The following ESR1 variants were observed in gnomAD, a reference collection of about 807,000 sequenced individuals.
ESR1 encodes estrogen receptor 1, also known as estrogen receptor.
In ESR1, 12 loss-of-function variants were observed where a neutral mutation model predicts 52.7. The ratio of observed to expected loss-of-function variants is 0.23; its 90% CI spans 0.15 to 0.37. ESR1 has a LOEUF of 0.37. Ranked by LOEUF, ESR1 falls within the 10% of genes least tolerant of loss-of-function variation. The pLI is 1.00. For missense variants in ESR1, 584 were observed against 779.7 expected (o/e 0.75, Z 2.99); for synonymous variants, 305 against 316.8 (o/e 0.96, Z 0.39).
chr6:152,079,445 A>G (rs1414768551), intron 6 of ESR1, among the ~76,000 whole-genome samples: 1 of 152,228 alleles, frequency 6.6e-6, no homozygotes, highest in African/African-American at 2.4e-5. Context: ...TAGCATCAAC[A>G]TCAACAAAAA....
intron 5 of ESR1, among the ~76,000 whole-genome samples, chr6:152,024,190 G>A (rs1033330985): frequency 2.6e-5 from 4 of 152,030 alleles, no homozygotes; most frequent in Non-Finnish European, 5.9e-5. Flanking sequence ...AAATTTCTCT[G>A]TAGTCTTGTC....
intron 2 of ESR1, among the ~76,000 whole-genome samples, chr6:151,868,408 G>T (rs762399187): frequency 6.6e-6 from 1 of 152,134 alleles, no homozygotes; most frequent in African/African-American, 2.4e-5. Flanking sequence ...GATTACAGGC[G>T]TCAGCCACTG....
intron 4 of ESR1, among the ~76,000 whole-genome samples, chr6:151,953,799 T>A (rs2036596988): frequency 1.3e-5 from 2 of 152,260 alleles, no homozygotes; most frequent in South Asian, 4.1e-4. Context: ...ATTTCCTATA[T>A]AACTCCCTCT....
chr6:152,034,911 C>T lies in ESR1; in HGVS notation c.1235+23117C>T, dbSNP rs139743767. Among the ~76,000 whole-genome samples, 119 of 152,312 alleles carry T rather than the reference C, an allele frequency of 7.8e-4. 1 individual carries two copies. In the East Asian group the frequency reaches 0.017, roughly 21 times the overall value. On this transcript the variant is annotated intron_variant, in intron 5 of 7. Transcript: ENST00000206249. Reference sequence around the variant, plus strand: ...TCAAAAGGATTCTTCTTCTTTGCTGCAATGTGTTTTGATTTTTGGAGTGAT... The same window carrying T: ...TCAAAAGGATTCTTCTTCTTTGCTGTAATGTGTTTTGATTTTTGGAGTGAT...
intron 2 of ESR1, among the ~76,000 whole-genome samples, chr6:151,756,929 G>A (rs1784333955): frequency 6.6e-6 from 1 of 152,192 alleles, no homozygotes; most frequent in African/African-American, 2.4e-5. Flanking sequence ...GGCGAAGGTT[G>A]CAGTGAGCCG....
At chr6:151,805,562 C>T (rs1777712988), upstream of ESR1, 1 of 152,762 alleles carries the variant, frequency 6.5e-6, no homozygotes, top group Non-Finnish European at 1.5e-5. Context: ...CCCTCACTCC[C>T]CACTGCCATT....
chr6:151,996,146 G>A (rs1427397778), intron 4 of ESR1, among the ~76,000 whole-genome samples: 1 of 152,098 alleles, frequency 6.6e-6, no homozygotes, highest in Non-Finnish European at 1.5e-5. Context: ...TTCCCTGATA[G>A]TCTGTATGGG....
At chr6:151,848,490 AT>A (rs201813232) in intron 2 of ESR1, among the ~76,000 whole-genome samples, 2,053 of 128,114 alleles carry the variant, frequency 0.016, 18 homozygotes, top group Non-Finnish European at 0.02. Flanking sequence ...AAAAAAAAAA[AT>A]TTAAAAAAAA....
chr6:151,770,457 G>A (rs1336285009), intron 2 of ESR1, among the ~76,000 whole-genome samples: 2 of 151,810 alleles, frequency 1.3e-5, no homozygotes, highest in South Asian at 2.1e-4. Flanking sequence ...TAATTCCAAC[G>A]ATTTCATAAC....
chr6:152,128,764 C>T (rs919999764), exon 7 of ESR1: 1 of 152,174 alleles, frequency 6.6e-6, no homozygotes, highest in Non-Finnish European at 1.5e-5. Context: ...AGATTAAACA[C>T]GAGATATCTC....
At chr6:151,899,730 C>G (rs376061456) in intron 3 of ESR1, among the ~76,000 whole-genome samples, 3,068 of 145,586 alleles carry the variant, frequency 0.021, 102 homozygotes, top group African/African-American at 0.072. Flanking sequence ...CGGGGCGGCC[C>G]GGCAGAGACG....
intron 7 of ESR1, among the ~76,000 whole-genome samples, chr6:152,097,469 G>A (rs1415867179): frequency 6.6e-6 from 1 of 151,790 alleles, no homozygotes; most frequent in African/African-American, 2.4e-5. Flanking sequence ...TAGCTTTGAT[G>A]TTGTGTTTTC....
At chr6:151,792,349 C>A (rs1215798799) in intron 2 of ESR1, among the ~76,000 whole-genome samples, 1 of 151,840 alleles carries the variant, frequency 6.6e-6, no homozygotes, top group Non-Finnish European at 1.5e-5. Flanking sequence ...ACACTGTGCA[C>A]TTAGGATACA....
At chr6:151,657,412 T>C (rs1018490762) in intron 1 of ESR1, among the ~76,000 whole-genome samples, 1 of 152,210 alleles carries the variant, frequency 6.6e-6, no homozygotes, top group Non-Finnish European at 1.5e-5. Flanking sequence ...TGGGTAACAA[T>C]TGTATTTCAC....
intron 3 of ESR1, among the ~76,000 whole-genome samples, chr6:151,941,073 A>G (rs1190235907): frequency 6.6e-6 from 1 of 152,224 alleles, no homozygotes; most frequent in Non-Finnish European, 1.5e-5. Context: ...TTAAAGTAAG[A>G]TAAATTACAT....
intron 7 of ESR1, among the ~76,000 whole-genome samples, chr6:152,097,179 TAC>T (rs1004960816): frequency 2.6e-5 from 4 of 151,004 alleles, no homozygotes; most frequent in African/African-American, 7.3e-5. Context: ...CACACACACA[TAC>T]ACACACACAC....
At chr6:151,788,417 A>T (rs1056815175) in intron 2 of ESR1, among the ~76,000 whole-genome samples, 1 of 152,228 alleles carries the variant, frequency 6.6e-6, no homozygotes, top group Non-Finnish European at 1.5e-5. Context: ...ATCTCACACC[A>T]ATCAGAGTGG....
At chr6:151,657,000 A>C (rs1433276785) in intron 1 of ESR1, among the ~76,000 whole-genome samples, 1 of 152,194 alleles carries the variant, frequency 6.6e-6, no homozygotes, top group Non-Finnish European at 1.5e-5. Flanking sequence ...TGGAGATTTT[A>C]ATTTATAATG....
In ESR1 at chr6:152,039,740, C is replaced by A. The variant is rs547406780; in HGVS notation, c.1236-21251C>A. Among the ~76,000 whole-genome samples, 3 of 152,260 alleles carry A rather than the reference C, an allele frequency of 2.0e-5. No individual in the cohort carries two copies. The South Asian group carries it at 6.2e-4, about 32-fold the overall frequency. ...ATACACAGCCTTCTGGAAAACTTTG[C>A]CCCAGCCCTGCAAAGTATTGTCGCC... On this transcript the variant is annotated intron_variant, in intron 5 of 7. Coordinates refer to ENST00000206249, the MANE Select transcript of ESR1 (RefSeq NM_000125.4).
Sources: allele counts gnomAD v4.1 joint callset (sites outside exome capture counted in the v4.1 genomes callset), GRCh38; gene constraint gnomAD v4.1.1; transcripts MANE v1.5; gene names NCBI Gene and HGNC (gene_info 2026-07-23, HGNC 2026-07-21).